The following CSMD1 variants were observed in gnomAD, a reference collection of about 807,000 sequenced individuals.
CSMD1 encodes CUB and sushi domain-containing protein 1.
CSMD1 carries 213 observed loss-of-function variants against 417.5 expected under a neutral mutation model. The ratio of observed to expected loss-of-function variants is 0.51; its 90% confidence interval spans 0.46 to 0.57. The LOEUF is 0.57. Ranked by LOEUF, CSMD1 falls within the 20% of genes least tolerant of loss-of-function variation. The pLI, the probability that CSMD1 is intolerant of heterozygous loss-of-function variation, is 0.00. For synonymous variants in CSMD1, 2,862 were observed against 1,736.8 expected (o/e 1.65, Z -16.11); for missense variants, 6,923 against 4,529.7 (o/e 1.53, Z -15.17).
intron 11 of CSMD1, among the ~76,000 whole-genome samples, chr8:3,484,578 C>T (rs1288547740): frequency 6.6e-6 from 1 of 152,104 alleles, no homozygotes; most frequent in Non-Finnish European, 1.5e-5. Flanking sequence ...ATGGGAAAGC[C>T]CATAAACTAG....
intron 2 of CSMD1, among the ~76,000 whole-genome samples, chr8:4,456,914 C>T (rs990038282): frequency 4.6e-5 from 7 of 150,750 alleles, no homozygotes; most frequent in South Asian, 2.1e-4. Flanking sequence ...AGTTTCCACC[C>T]ACCAACTGTT....
At chr8:3,454,174 T>C (rs1368703978) in intron 12 of CSMD1, among the ~76,000 whole-genome samples, 2 of 152,178 alleles carry the variant, frequency 1.3e-5, no homozygotes, top group Admixed American at 6.5e-5. Flanking sequence ...GGTAGATCTT[T>C]CTCCACCTCT....
At chr8:3,049,042 A>C (rs901479239) in intron 50 of CSMD1, among the ~76,000 whole-genome samples, 3 of 152,106 alleles carry the variant, frequency 2.0e-5, no homozygotes, top group African/African-American at 7.2e-5. Context: ...ATACTACTGC[A>C]CATCTATGAG....
chr8:3,591,958 G>C (rs187677942), intron 8 of CSMD1, among the ~76,000 whole-genome samples: 7 of 152,276 alleles, frequency 4.6e-5, no homozygotes, highest in Non-Finnish European at 4.4e-5. Context: ...TGCATGGATA[G>C]ATGAATGGAT....
chr8:4,053,847 T>C (rs1229235044), intron 3 of CSMD1, among the ~76,000 whole-genome samples: 2 of 152,172 alleles, frequency 1.3e-5, no homozygotes. Flanking sequence ...TACTAGTAGG[T>C]TGGTTTATAT....
intron 10 of CSMD1, among the ~76,000 whole-genome samples, chr8:3,537,885 T>C (rs1488152217): frequency 1.3e-5 from 2 of 152,214 alleles, no homozygotes; most frequent in Admixed American, 1.3e-4. Flanking sequence ...CCATATTTCA[T>C]TGTTGATGTT....
At chr8:3,113,844 C>G (rs1816688265) in intron 42 of CSMD1, among the ~76,000 whole-genome samples, 1 of 152,172 alleles carries the variant, frequency 6.6e-6, no homozygotes, top group African/African-American at 2.4e-5. Context: ...CTTTATTGTG[C>G]TACCTTTTCC....
chr8:4,484,523 ATC>A (rs1248050901), intron 2 of CSMD1, among the ~76,000 whole-genome samples: 1 of 152,104 alleles, frequency 6.6e-6, no homozygotes, highest in Non-Finnish European at 1.5e-5. Flanking sequence ...TGGTAAGTCC[ATC>A]TCACAACACC....
chr8:4,429,301 T>C (rs1154055), intron 2 of CSMD1, among the ~76,000 whole-genome samples: 2 of 151,936 alleles, frequency 1.3e-5, no homozygotes, highest in Admixed American at 1.3e-4. Context: ...TCATCAATTT[T>C]GCTTCACTGC....
chr8:3,498,533 G>C (rs763215041), intron 10 of CSMD1, among the ~76,000 whole-genome samples: 1 of 152,124 alleles, frequency 6.6e-6, no homozygotes, highest in Non-Finnish European at 1.5e-5. Flanking sequence ...GGATCTGAAT[G>C]CACATATTTC....
chr8:3,727,725 A>G (rs781229533), intron 6 of CSMD1, among the ~76,000 whole-genome samples: 4 of 152,226 alleles, frequency 2.6e-5, no homozygotes, highest in Admixed American at 6.5e-5. Context: ...CTGTCCATAA[A>G]CACATGAATG....
chr8:4,139,485 G>A lies in CSMD1; in HGVS notation c.416-107386C>T, dbSNP rs1327881036. Among the ~76,000 whole-genome samples, 3 of 151,394 alleles carry A rather than the reference G, an allele frequency of 2.0e-5. 1 individual carries two copies. Among genetic ancestry groups the A allele is most frequent in the African/African-American group, 7.4e-5 (3 of 40,700 alleles). ...CGTGGACAGTCCAGTGAGGAAGGTG[G>A]CGTGGATGAATGGTCTGCATTCAGT... On this transcript the variant is annotated intron_variant, in intron 3 of 69. Transcript: ENST00000635120.
chr8:4,465,082 C>A (rs186823111), intron 2 of CSMD1, among the ~76,000 whole-genome samples: 1 of 152,034 alleles, frequency 6.6e-6, no homozygotes, highest in Non-Finnish European at 1.5e-5. Flanking sequence ...TTACCTGAAA[C>A]GGAACGGTTT....
chr8:4,224,587 A>T (rs1801233406), intron 3 of CSMD1, among the ~76,000 whole-genome samples: 1 of 152,190 alleles, frequency 6.6e-6, no homozygotes, highest in Non-Finnish European at 1.5e-5. Flanking sequence ...GTGCCTCCGG[A>T]GTTCCACCAC....
In CSMD1 at chr8:3,772,536, TATATACACATATATACATATATACATA is replaced by T. The variant is rs1563064716; in HGVS notation, c.819-18521_819-18495del. The stretch of plus-strand genomic sequence containing the variant: ...ATATACATATATACACATATATACA[TATATACACATATATACATATATACATA>T]TATATACATATATACACATATATTT... On this transcript the variant is annotated intron_variant, in intron 5 of 69. Transcript: ENST00000635120. Among the ~76,000 whole-genome samples, 11 of 73,424 alleles carry T rather than the reference TATATACACATATATACATATATACATA, an allele frequency of 1.5e-4. 1 individual carries two copies. In the East Asian group the frequency reaches 3.0e-3, roughly 20 times the overall value. The allele number at this position is 73,424 out of a possible 152,430, so 48.2% of individuals were successfully genotyped here.
At chr8:3,960,749 G>A (rs1289078095) in intron 5 of CSMD1, among the ~76,000 whole-genome samples, 1 of 151,548 alleles carries the variant, frequency 6.6e-6, no homozygotes, top group Non-Finnish European at 1.5e-5. Flanking sequence ...ATAATTAATT[G>A]ATTTAAAATC....
At position 4,454,294 on chromosome 8, in the gene CSMD1, C is replaced by T. The variant is rs146360074; in HGVS notation, c.303-34229G>A. On this transcript the variant is annotated intron_variant, in intron 2 of 69. Coordinates refer to ENST00000635120, the MANE Select transcript of CSMD1 (RefSeq NM_033225.6). ...ACTGGACTCCTGACTTCGGTGGACA[C>T]CAGACGCAGCCTCTTCTTCCGCATC... is the stretch of plus-strand genomic sequence containing the variant. 5.9e-3 allele frequency among the ~76,000 whole-genome samples: 905 copies of T among 152,274 alleles called. 11 individuals carry two copies. Among genetic ancestry groups the T allele is most frequent in the African/African-American group, 0.021 (876 of 41,550 alleles).
intron 3 of CSMD1, among the ~76,000 whole-genome samples, chr8:4,181,913 A>G (rs993658941): frequency 1.3e-5 from 2 of 151,830 alleles, no homozygotes; most frequent in Admixed American, 1.3e-4. Context: ...AAGGCAGGAC[A>G]AGTACTTAGT....
intron 2 of CSMD1, among the ~76,000 whole-genome samples, chr8:4,513,264 A>C (rs996351685): frequency 6.6e-6 from 1 of 152,112 alleles, no homozygotes; most frequent in African/African-American, 2.4e-5. Context: ...GGGGTATATA[A>C]ATTTTTTTTA....
Sources: allele counts gnomAD v4.1 joint callset (sites outside exome capture counted in the v4.1 genomes callset), GRCh38; gene constraint gnomAD v4.1.1; transcripts MANE v1.5; gene names NCBI Gene and HGNC (gene_info 2026-07-23, HGNC 2026-07-21).